The following DLGAP1 variants were observed in gnomAD, a reference collection of about 807,000 sequenced individuals.
The protein encoded by DLGAP1 is disks large-associated protein 1.
In DLGAP1, 11 loss-of-function variants were observed where a neutral mutation model predicts 90.8. That is an observed-to-expected ratio of 0.12 (90% CI 0.08 to 0.20). DLGAP1 has a LOEUF of 0.20. Ranked by LOEUF, DLGAP1 falls within the 10% of genes least tolerant of loss-of-function variation. The pLI is 1.00. For missense variants in DLGAP1, 1,050 were observed against 1,333.8 expected (o/e 0.79, Z 3.31); for synonymous variants, 558 against 540.7 (o/e 1.03, Z -0.44).
At chr18:4,280,166 T>C (rs993513544) in intron 1 of DLGAP1, among the ~76,000 whole-genome samples, 2 of 152,238 alleles carry the variant, frequency 1.3e-5, no homozygotes, top group Non-Finnish European at 2.9e-5. Context: ...TCTGTATAAG[T>C]TGATTAAAAA....
At chr18:3,754,167 A>AT (rs1045046203) in intron 5 of DLGAP1, among the ~76,000 whole-genome samples, 4 of 151,890 alleles carry the variant, frequency 2.6e-5, no homozygotes, top group Non-Finnish European at 5.9e-5. Context: ...TACCCTGCTA[A>AT]TTTTTTTGTA....
At chr18:3,705,402 G>A (rs1279268921) in intron 7 of DLGAP1, among the ~76,000 whole-genome samples, 1 of 151,280 alleles carries the variant, frequency 6.6e-6, no homozygotes, top group Non-Finnish European at 1.5e-5. Flanking sequence ...GTATGGTGCA[G>A]TATTATAGTT....
At chr18:3,530,780 T>G (rs547244878) in intron 10 of DLGAP1, among the ~76,000 whole-genome samples, 9 of 152,294 alleles carry the variant, frequency 5.9e-5, no homozygotes, top group African/African-American at 1.9e-4. Context: ...CAGGGGCAAA[T>G]GTCAAGGAGA....
chr18:4,417,587 C>G (rs924027147), intron 1 of DLGAP1, among the ~76,000 whole-genome samples: 1 of 152,020 alleles, frequency 6.6e-6, no homozygotes, highest in South Asian at 2.1e-4. Context: ...CAATGAAAAG[C>G]TGGAGAAACT....
intron 3 of DLGAP1, among the ~76,000 whole-genome samples, chr18:3,999,923 T>C (rs986931141): frequency 6.6e-6 from 1 of 152,198 alleles, no homozygotes; most frequent in African/African-American, 2.4e-5. Context: ...GGGATTGTCC[T>C]GCCTCAGCCT....
intron 7 of DLGAP1, among the ~76,000 whole-genome samples, chr18:3,664,410 C>G (rs1233134071): frequency 6.6e-6 from 1 of 152,184 alleles, no homozygotes; most frequent in Non-Finnish European, 1.5e-5. Flanking sequence ...TATGTAGCAA[C>G]AGATGACAGA....
At chr18:3,859,418 A>G (rs1461479708) in intron 4 of DLGAP1, among the ~76,000 whole-genome samples, 4 of 152,226 alleles carry the variant, frequency 2.6e-5, no homozygotes, top group Admixed American at 2.6e-4. Flanking sequence ...GACTCCCCAA[A>G]GACGCCCATG....
intron 9 of DLGAP1, among the ~76,000 whole-genome samples, chr18:3,563,500 G>A (rs1486105942): frequency 5.5e-5 from 8 of 146,534 alleles, no homozygotes; most frequent in Non-Finnish European, 8.9e-5. Flanking sequence ...ACGGAATTTC[G>A]CTCTTGTTGC....
At chr18:4,141,581 T>C (rs1040969563) in intron 2 of DLGAP1, among the ~76,000 whole-genome samples, 1 of 152,022 alleles carries the variant, frequency 6.6e-6, no homozygotes, top group African/African-American at 2.4e-5. Context: ...CTGAAAAATC[T>C]TGGAGATCTC....
intron 9 of DLGAP1, among the ~76,000 whole-genome samples, chr18:3,546,038 G>A (rs913480836): frequency 2.0e-5 from 3 of 152,114 alleles, no homozygotes; most frequent in Non-Finnish European, 2.9e-5. Flanking sequence ...ATACTTTCTC[G>A]ATAATAGATT....
chr18:4,263,579 C>T (rs2079045407), intron 1 of DLGAP1, among the ~76,000 whole-genome samples: 1 of 152,142 alleles, frequency 6.6e-6, no homozygotes, highest in South Asian at 2.1e-4. Context: ...ATGAAAAATA[C>T]TTCCATTAAA....
At chr18:4,437,708 A>G (rs1268337890) in intron 1 of DLGAP1, among the ~76,000 whole-genome samples, 1 of 152,208 alleles carries the variant, frequency 6.6e-6, no homozygotes, top group African/African-American at 2.4e-5. Context: ...TTTGTTTACT[A>G]ATCTTTCTCT....
rs73941446 is a variant in DLGAP1 at position 4,347,360 on chromosome 18, C to T, written c.-267+107646G>A. ...GTTTCCTTTTACTGAGCCAGAATAA[C>T]GTTGATACCTAAACCTAAAAAACTT... On this transcript the variant is annotated intron_variant, in intron 1 of 12. Transcript: ENST00000315677. Among the ~76,000 whole-genome samples, 925 of 152,114 alleles carry T rather than the reference C, an allele frequency of 6.1e-3. 7 individuals are homozygous for T. Among genetic ancestry groups the T allele is most frequent in the African/African-American group, 0.02 (818 of 41,546 alleles).
chr18:4,348,077 C>T (rs1467896961), intron 1 of DLGAP1, among the ~76,000 whole-genome samples: 4 of 151,974 alleles, frequency 2.6e-5, no homozygotes, highest in African/African-American at 7.2e-5. Context: ...AGCTAAATAA[C>T]TTTTAGAAAA....
At chr18:4,249,135 A>G (rs961113705) in intron 1 of DLGAP1, among the ~76,000 whole-genome samples, 5 of 152,050 alleles carry the variant, frequency 3.3e-5, no homozygotes, top group African/African-American at 7.2e-5. Flanking sequence ...ACTCCTCACC[A>G]TATCTTATGC....
Position 3,523,683 on chromosome 18 carries a change from T to C in DLGAP1, c.2479+10511A>G, listed in dbSNP as rs546476163. ...TAACACGGTGAAACCCCGTCTCTAC[T>C]AAAAATACAAAAAATTAGCCAGGCG... On this transcript the variant is annotated intron_variant, in intron 10 of 12. Transcript: ENST00000315677. Among the ~76,000 whole-genome samples the C allele has an allele frequency of 5.9e-5, 9 of 151,716 alleles. No individual in the cohort carries two copies. The South Asian group carries it at 1.7e-3, about 28-fold the overall frequency.
chr18:3,567,399 C>A, intron 9 of DLGAP1, 91 bp downstream of exon 9: 1 of 1,087,790 alleles, frequency 9.2e-7, no homozygotes, highest in South Asian at 1.4e-5. Flanking sequence ...AGGAAAATAT[C>A]ATTGAATTTT....
At chr18:3,800,538 C>T (rs2066239391) in intron 5 of DLGAP1, among the ~76,000 whole-genome samples, 1 of 152,064 alleles carries the variant, frequency 6.6e-6, no homozygotes, top group Non-Finnish European at 1.5e-5. Flanking sequence ...AATTGTAGAA[C>T]AGTATGTATA....
At chr18:3,557,260 G>A (rs1171120346) in intron 9 of DLGAP1, among the ~76,000 whole-genome samples, 2 of 152,170 alleles carry the variant, frequency 1.3e-5, no homozygotes, top group Non-Finnish European at 2.9e-5. Flanking sequence ...GGTGGCTCAC[G>A]CCTGTAATCC....
Sources: allele counts gnomAD v4.1 joint callset (sites outside exome capture counted in the v4.1 genomes callset), GRCh38; gene constraint gnomAD v4.1.1; transcripts MANE v1.5; gene names NCBI Gene and HGNC (gene_info 2026-07-23, HGNC 2026-07-21).